The following ANKS1B variants were observed in gnomAD, a reference collection of about 807,000 sequenced individuals.
ANKS1B encodes the protein ankyrin repeat and sterile alpha motif domain containing 1B.
A neutral mutation model predicts 148.3 loss-of-function variants in ANKS1B; 36 were observed. The ratio of observed to expected loss-of-function variants is 0.24; its 90% CI spans 0.19 to 0.32. ANKS1B has a LOEUF of 0.32. ANKS1B is among the 10% of genes least tolerant of loss of function. ANKS1B has a pLI of 1.00. For synonymous variants in ANKS1B, 542 were observed against 560.8 expected, an observed-to-expected ratio of 0.97 and a Z score of 0.47; for missense variants, 1,157 against 1,542.6, an observed-to-expected ratio of 0.75 and a Z score of 4.19.
At chr12:99,525,076 C>T (rs1014642180) in intron 9 of ANKS1B, among the ~76,000 whole-genome samples, 2 of 151,756 alleles carry the variant, frequency 1.3e-5, no homozygotes, top group Non-Finnish European at 1.5e-5. Flanking sequence ...CCATTCTGGA[C>T]CTCCAGAACT....
Position 99,745,990 on chromosome 12 carries a change from G to GA in ANKS1B, c.1128+26931dup, listed in dbSNP as rs1469196249. On this transcript the variant is annotated intron_variant, in intron 8 of 26. Coordinates refer to ENST00000683438, the MANE Select transcript of ANKS1B (RefSeq NM_001352186.2). ...GGAGTTCATGAGCCATATACGGTTG[G>GA]AAAAATATGCTCTTAGATAAGCCTG... 9.9e-5 allele frequency among the ~76,000 whole-genome samples: 15 copies of GA among 152,126 alleles called. No homozygotes were observed. In the East Asian group the frequency reaches 2.9e-3, roughly 29 times the overall value.
At chr12:99,241,393 G>C (rs1171614993) in intron 14 of ANKS1B, among the ~76,000 whole-genome samples, 2 of 152,194 alleles carry the variant, frequency 1.3e-5, no homozygotes, top group East Asian at 1.9e-4. Flanking sequence ...TTCTGAAATT[G>C]AGGCAATAAT....
chr12:98,938,839 A>G (rs1375044557), intron 17 of ANKS1B, among the ~76,000 whole-genome samples: 1 of 152,246 alleles, frequency 6.6e-6, no homozygotes, highest in African/African-American at 2.4e-5. Context: ...TCACCCATCA[A>G]CTATGGGGGT....
At chr12:98,899,266 G>T (rs1466082822) in intron 17 of ANKS1B, among the ~76,000 whole-genome samples, 1 of 152,152 alleles carries the variant, frequency 6.6e-6, no homozygotes, top group African/African-American at 2.4e-5. Flanking sequence ...TGATATGAAT[G>T]TGATAATAAT....
At chr12:99,330,454 C>T (rs867703463) in intron 12 of ANKS1B, among the ~76,000 whole-genome samples, 92 of 152,018 alleles carry the variant, frequency 6.1e-4, no homozygotes, top group African/African-American at 2.0e-3. Flanking sequence ...GAGATCCAAA[C>T]CAGATGATCC....
At chr12:99,185,285 C>A (rs1042943341) in intron 14 of ANKS1B, among the ~76,000 whole-genome samples, 3 of 152,102 alleles carry the variant, frequency 2.0e-5, no homozygotes, top group Admixed American at 6.6e-5. Context: ...GTACGTTGAG[C>A]CTCAAAGGAA....
At chr12:99,553,474 A>C (rs1029386394) in intron 9 of ANKS1B, among the ~76,000 whole-genome samples, 3 of 152,180 alleles carry the variant, frequency 2.0e-5, no homozygotes, top group African/African-American at 7.2e-5. Context: ...TTTGAAGTAG[A>C]CCAAGAATAT....
At chr12:99,511,347 C>T (rs997408254) in intron 9 of ANKS1B, among the ~76,000 whole-genome samples, 1 of 151,918 alleles carries the variant, frequency 6.6e-6, no homozygotes, top group African/African-American at 2.4e-5. Flanking sequence ...GCTAGGAATA[C>T]AGCTAATAAG....
At chr12:99,636,872 C>T (rs758292725) in intron 9 of ANKS1B, among the ~76,000 whole-genome samples, 1 of 152,166 alleles carries the variant, frequency 6.6e-6, no homozygotes. Context: ...TTAAAATACA[C>T]TTCAAAATCA....
chr12:99,713,003 T>G (rs971806865), intron 8 of ANKS1B, among the ~76,000 whole-genome samples: 1 of 152,220 alleles, frequency 6.6e-6, no homozygotes, highest in Admixed American at 6.5e-5. Flanking sequence ...TCTATCATTT[T>G]GTTCTTTCTC....
chr12:98,763,818 G>A (rs755376695), intron 25 of ANKS1B, among the ~76,000 whole-genome samples: 5 of 152,100 alleles, frequency 3.3e-5, no homozygotes, highest in Admixed American at 6.5e-5. Flanking sequence ...GCCATTACAC[G>A]TTCTTCAAAA....
intron 1 of ANKS1B, among the ~76,000 whole-genome samples, chr12:99,891,603 T>A (rs916780570): frequency 6.6e-6 from 1 of 152,174 alleles, no homozygotes; most frequent in African/African-American, 2.4e-5. Flanking sequence ...TTTGTAGATC[T>A]TCTTCAGTGA....
At chr12:99,574,342 C>T (rs571806292) in intron 9 of ANKS1B, among the ~76,000 whole-genome samples, 1 of 151,980 alleles carries the variant, frequency 6.6e-6, no homozygotes, top group South Asian at 2.1e-4. Flanking sequence ...AAAGTTGTTG[C>T]CAGGGAATTG....
At chr12:99,229,414 T>A (rs2086471103) in intron 14 of ANKS1B, among the ~76,000 whole-genome samples, 1 of 151,938 alleles carries the variant, frequency 6.6e-6, no homozygotes, top group Admixed American at 6.6e-5. Context: ...CATTTTTTGC[T>A]CCTGTTCAAT....
intron 9 of ANKS1B, among the ~76,000 whole-genome samples, chr12:99,522,976 A>G (rs1284583483): frequency 6.6e-6 from 1 of 152,220 alleles, no homozygotes; most frequent in African/African-American, 2.4e-5. Context: ...CTTAGCAACA[A>G]TCAGGAACCC....
intron 14 of ANKS1B, among the ~76,000 whole-genome samples, chr12:99,166,485 A>G (rs2077196064): frequency 6.6e-6 from 1 of 151,968 alleles, no homozygotes; most frequent in African/African-American, 2.4e-5. Context: ...ACTAACAATA[A>G]ACAATTGGAA....
intron 12 of ANKS1B, among the ~76,000 whole-genome samples, chr12:99,288,607 G>A (rs1297641840): frequency 1.3e-5 from 2 of 151,958 alleles, no homozygotes; most frequent in Non-Finnish European, 2.9e-5. Context: ...ATAATGGGGT[G>A]ATAAAGTTAA....
intron 9 of ANKS1B, among the ~76,000 whole-genome samples, chr12:99,634,295 G>A (rs1191615864): frequency 6.6e-6 from 1 of 152,034 alleles, no homozygotes; most frequent in Non-Finnish European, 1.5e-5. Flanking sequence ...ATAAGAAGAG[G>A]AAGAGAGACC....
At chr12:99,545,770 CAT>C (rs2097167394) in intron 9 of ANKS1B, among the ~76,000 whole-genome samples, 1 of 126,918 alleles carries the variant, frequency 7.9e-6, no homozygotes, top group Admixed American at 8.1e-5. Context: ...ATATTTTACA[CAT>C]ATATAAATTA....
Sources: gnomAD v4.1 joint callset for allele counts (sites outside exome capture counted in the v4.1 genomes callset) on GRCh38, gnomAD v4.1.1 for gene constraint, MANE v1.5 for transcripts, NCBI Gene and HGNC (gene_info 2026-07-23, HGNC 2026-07-21) for gene names.